AGO4: variants seen among roughly 807,000 people sequenced by gnomAD.
The protein encoded by AGO4 is argonaute RISC component 4, also known as protein argonaute-4.
A neutral mutation model predicts 104.7 loss-of-function variants in AGO4; 33 were observed. The observed-to-expected ratio is 0.32, with a 90% CI of 0.24 to 0.42. The LOEUF (loss-of-function observed/expected upper bound fraction) is 0.42. AGO4 is among the 10% of genes least tolerant of loss of function. The probability of loss-of-function intolerance (pLI) is 1.00; values close to 1 mark genes in which losing one functional copy is unlikely to be tolerated. For missense variants in AGO4, 711 were observed against 1,083.4 expected, an observed-to-expected ratio of 0.66 and a Z score of 4.83; for synonymous variants, 331 against 364.7, an observed-to-expected ratio of 0.91 and a Z score of 1.05.
intron 15 of AGO4, among the ~76,000 whole-genome samples, chr1:35,847,343 C>T (rs1365824153): frequency 1.3e-5 from 2 of 151,900 alleles, no homozygotes; most frequent in African/African-American, 2.4e-5. Flanking sequence ...AAGTGATTCT[C>T]CTGCCTCAGC....
At chr1:35,834,883 A>G (rs1644269165) in intron 12 of AGO4, among the ~76,000 whole-genome samples, 1 of 151,660 alleles carries the variant, frequency 6.6e-6, no homozygotes, top group South Asian at 2.1e-4. Flanking sequence ...TTTTATAGAG[A>G]TAGGGTTTTG....
At chr1:35,819,476 T>C (rs190346816) in intron 2 of AGO4, among the ~76,000 whole-genome samples, 9 of 151,952 alleles carry the variant, frequency 5.9e-5, no homozygotes, top group Non-Finnish European at 1.2e-4. Flanking sequence ...CATCTTTGGA[T>C]GTGAGCACTT....
At chr1:35,852,983 G>A (rs182760436) in intron 17 of AGO4, among the ~76,000 whole-genome samples, 1 of 152,190 alleles carries the variant, frequency 6.6e-6, no homozygotes, top group Non-Finnish European at 1.5e-5. Context: ...TGGCGCGGTG[G>A]CTCACGCCTG....
chr1:35,811,124 C>A (rs1489563083), intron 1 of AGO4, among the ~76,000 whole-genome samples: 3 of 151,554 alleles, frequency 2.0e-5, no homozygotes, highest in South Asian at 4.2e-4. Flanking sequence ...CAAAAAGAAA[C>A]CCTGCCTCAA....
chr1:35,823,597 T>A lies in AGO4; in HGVS notation c.306+615T>A, dbSNP rs1571270003. On this transcript the variant is annotated intron_variant, in intron 3 of 17. Transcript: ENST00000373210. ...TGTGCCACCACGCCCAGATCATTGT[T>A]GTATTTTATTAGTAGAAATGGGGGT... 2.0e-5 allele frequency among the ~76,000 whole-genome samples: 3 copies of A among 149,806 alleles called. No individual in the cohort carries two copies. The South Asian group carries it at 6.4e-4, about 32-fold the overall frequency.
At chr1:35,825,874 G>A in intron 5 of AGO4, 52 bp from the exon 6 acceptor site, 4 of 1,603,516 alleles carry the variant, frequency 2.5e-6, no homozygotes, top group Non-Finnish European at 3.4e-6. Flanking sequence ...TTGTTTGTTT[G>A]TTTTGGCCCT....
chr1:35,815,340 G>A (rs753045092), intron 1 of AGO4, among the ~76,000 whole-genome samples: 4 of 152,160 alleles, frequency 2.6e-5, no homozygotes, highest in Non-Finnish European at 4.4e-5. Context: ...TTTTAGGCCA[G>A]TATCCACTTG....
At chr1:35,826,641 AT>A (rs1418294893) in intron 6 of AGO4, 106 bp from the exon 7 acceptor site, 4 of 1,038,388 alleles carry the variant, frequency 3.9e-6, no homozygotes, top group Non-Finnish European at 5.8e-6. Flanking sequence ...TATTCTTGCA[AT>A]TTTTATCCTG....
At chr1:35,832,909 T>C (rs1215733289) in intron 11 of AGO4, among the ~76,000 whole-genome samples, 1 of 152,214 alleles carries the variant, frequency 6.6e-6, no homozygotes, top group Non-Finnish European at 1.5e-5. Flanking sequence ...ATCGTTATAA[T>C]TTACTAATGA....
Position 35,835,930 on chromosome 1 carries a change from A to G in AGO4, c.1661A>G (p.Asn554Ser). The change falls in exon 13 of 18, where the codon AAT becomes AGT. Residue 554 changes from asparagine to serine, a missense_variant. Transcript: ENST00000373210. Reference protein sequence around the residue: ...VVKTSPQTLSNLCLKINAKLG... With the variant: ...VVKTSPQTLSSLCLKINAKLG... ...AAGACCTCACCTCAAACCCTTTCCAATCTTTGCCTGAAGATAAATGCAAAA... is the reference window on the plus strand; with the variant it reads ...AAGACCTCACCTCAAACCCTTTCCAGTCTTTGCCTGAAGATAAATGCAAAA... The G allele has an allele frequency of 6.2e-7, 1 of 1,614,102 alleles. No homozygotes were observed. Among genetic ancestry groups the G allele is most frequent in the Non-Finnish European group, 8.5e-7 (1 of 1,180,004 alleles).
In AGO4 at chr1:35,827,033, C is replaced by G. The variant is rs751334813; in HGVS notation, c.848+198C>G. 6.8e-4 allele frequency among the ~76,000 whole-genome samples: 103 copies of G among 151,914 alleles called. 1 individual carries two copies. Among genetic ancestry groups the G allele is most frequent in the Non-Finnish European group, 1.2e-3 (81 of 67,972 alleles). On this transcript the variant is annotated intron_variant, in intron 7 of 17. Transcript: ENST00000373210. ...TGGCCAAGATGGTGAAACCCCATCT[C>G]TACTAAAAATACAAGAAAACTAGCT...
chr1:35,853,619 A>C lies in AGO4; in HGVS notation c.*14A>C, dbSNP rs749597375. On this transcript the variant is annotated 3_prime_UTR_variant, in exon 18 of 18. Coordinates refer to ENST00000373210, the MANE Select transcript of AGO4 (RefSeq NM_017629.4). ...TATTTTGCCTGAGAGTCTCAGAAAA[A>C]GAACTCAACCAATTTGGCACCCCAT... is the stretch of plus-strand genomic sequence containing the variant. 1 of 1,611,950 alleles carries C rather than the reference A, an allele frequency of 6.2e-7. No homozygotes were observed. Among genetic ancestry groups the C allele is most frequent in the Non-Finnish European group, 8.5e-7 (1 of 1,178,542 alleles).
chr1:35,826,174 A>G (rs894681710), intron 6 of AGO4, 114 bp downstream of exon 6: 21 of 1,345,428 alleles, frequency 1.6e-5, no homozygotes, highest in Non-Finnish European at 2.0e-5. Context: ...ACTTCTATCA[A>G]TGGGACCTTG....
chr1:35,825,463 G>T lies in AGO4; in HGVS notation c.457G>T (p.Asp153Tyr). ...CCCAGATGACTCAGTACAAGCACTT[G>T]ATGTTATCACAAGACACCTTCCCTC... ...EVPDDSVQAL[D>Y]VITRHLPSMR... Residue 153 changes from aspartate (D) to tyrosine (Y), a missense_variant, in exon 4 of 18, where the codon GAT (aspartate) becomes TAT (tyrosine). Asp to Tyr is a radical substitution (Grantham distance 160, BLOSUM62 -3). Around this residue, in one of 3 missense-constraint regions of AGO4, gnomAD observed 308 missense variants for 397.8 expected, o/e 0.77. Coordinates refer to ENST00000373210, the MANE Select transcript of AGO4 (RefSeq NM_017629.4). 17 of 1,614,160 alleles carry T rather than the reference G, an allele frequency of 1.1e-5. No homozygotes were observed. Among genetic ancestry groups the T allele is most frequent in the Non-Finnish European group, 1.4e-5 (17 of 1,180,022 alleles).
At chr1:35,815,453 T>TAG (rs748381070) in intron 1 of AGO4, among the ~76,000 whole-genome samples, 47 of 151,494 alleles carry the variant, frequency 3.1e-4, no homozygotes, top group Middle Eastern at 3.4e-3. Context: ...GTTCAAATCT[T>TAG]AGAGAGAGAG....
At chr1:35,820,862 TATAA>T (rs1643874190) in intron 2 of AGO4, among the ~76,000 whole-genome samples, 1 of 152,142 alleles carries the variant, frequency 6.6e-6, no homozygotes, top group African/African-American at 2.4e-5. Context: ...CCTAACACTG[TATAA>T]ATAAATAAAT....
At chr1:35,843,043 C>T (rs1028842141) in intron 15 of AGO4, among the ~76,000 whole-genome samples, 5 of 152,026 alleles carry the variant, frequency 3.3e-5, no homozygotes, top group Non-Finnish European at 7.4e-5. Context: ...TTTTTTGTCT[C>T]TAATCCGAGG....
Position 35,833,057 on chromosome 1 carries a change from G to A in AGO4, c.1379+487G>A, listed in dbSNP as rs192651030. ...GCACTTTGGGAGGCCGAGGTGGGTG[G>A]ATCATGGGGTCAGGAGATCGAGATC... On this transcript the variant is annotated intron_variant, in intron 11 of 17. Transcript: ENST00000373210. 3.3e-5 allele frequency among the ~76,000 whole-genome samples: 5 copies of A among 152,228 alleles called. No individual in the cohort carries two copies. In the East Asian group the frequency reaches 9.7e-4, roughly 29 times the overall value.
At chr1:35,815,310 T>C (rs1643656011) in intron 1 of AGO4, among the ~76,000 whole-genome samples, 1 of 152,222 alleles carries the variant, frequency 6.6e-6, no homozygotes, top group Non-Finnish European at 1.5e-5. Flanking sequence ...TGCCTATTCA[T>C]AGCAGAAAAG....
Sources: gnomAD v4.1 joint callset for allele counts (sites outside exome capture counted in the v4.1 genomes callset) on GRCh38, gnomAD v4.1.1 for gene constraint, gnomAD v4.1.1 regional missense constraint, MANE v1.5 for transcripts, NCBI Gene and HGNC (gene_info 2026-07-23, HGNC 2026-07-21) for gene names.